The following UTS2 variants were observed in gnomAD, a reference collection of about 807,000 sequenced individuals.
UTS2 encodes urotensin 2.
In UTS2, 10 loss-of-function variants were observed where a neutral mutation model predicts 12.6. The observed-to-expected ratio is 0.80, with a 90% confidence interval of 0.49 to 1.35. The LOEUF is 1.35. Among genes scored for constraint, UTS2 ranks in the 40% most tolerant of loss-of-function variants. UTS2 has a pLI of 0.00. For missense variants in UTS2, 142 were observed against 143.2 expected (o/e 0.99, Z 0.04); for synonymous variants, 52 against 50.0 (o/e 1.04, Z -0.17).
At chr1:7,850,950 T>C (rs1558505199) in intron 1 of UTS2, 28 bp from the exon 2 acceptor site, 6 of 1,609,528 alleles carry the variant, frequency 3.7e-6, no homozygotes, top group East Asian at 2.2e-5. Context: ...ATACTTAGAA[T>C]TGGGTTCATC....
intron 1 of UTS2, among the ~76,000 whole-genome samples, chr1:7,852,017 A>G (rs189736636): frequency 1.3e-5 from 2 of 152,262 alleles, no homozygotes; most frequent in East Asian, 1.9e-4. Flanking sequence ...AGGACAGCCA[A>G]TGATCATCTC....
At chr1:7,869,543 T>C in the UTS2 span, among the ~76,000 whole-genome samples, 17 of 152,218 alleles carry the variant, frequency 1.1e-4, no homozygotes, top group African/African-American at 2.4e-4. Flanking sequence ...TAGGGGACCT[T>C]GTGGGCAGCC....
rs1379750161 is a variant in UTS2 at position 7,849,180 on chromosome 1, G to T, written c.258+460C>A. 4.6e-5 allele frequency among the ~76,000 whole-genome samples: 7 copies of T among 152,062 alleles called. No homozygotes were observed. In the East Asian group the frequency reaches 1.4e-3, roughly 29 times the overall value. ...CAGATCTTATATCAATCAAAATTTG[G>T]AAAAATTAATGCTTTGAAATAATGC... is the stretch of plus-strand genomic sequence containing the variant. On this transcript the variant is annotated intron_variant, in intron 3 of 3. Transcript: ENST00000361696.
At chr1:7,857,143 GGT>G (rs70987383), upstream of UTS2, among the ~76,000 whole-genome samples, 6 of 151,462 alleles carry the variant, frequency 4.0e-5, no homozygotes, top group South Asian at 4.2e-4. Flanking sequence ...AAGGAAGGAA[GGT>G]GAAGCATGTT....
the UTS2 span, among the ~76,000 whole-genome samples, chr1:7,875,855 C>T: frequency 1.3e-5 from 2 of 152,138 alleles, no homozygotes; most frequent in East Asian, 1.9e-4. Context: ...GCCTCTGGCA[C>T]CCATGCAAAC....
chr1:7,890,621 C>T, the UTS2 span, among the ~76,000 whole-genome samples: 2 of 151,100 alleles, frequency 1.3e-5, no homozygotes, highest in Non-Finnish European at 2.9e-5. Flanking sequence ...TAGAAAGATG[C>T]TCACAACCTA....
chr1:7,882,804 T>C, the UTS2 span, among the ~76,000 whole-genome samples: 1 of 152,072 alleles, frequency 6.6e-6, no homozygotes, highest in Non-Finnish European at 1.5e-5. Flanking sequence ...GGCCAAGAGA[T>C]ATATGAAAAA....
At chr1:7,904,623 G>A in the UTS2 span, among the ~76,000 whole-genome samples, 1 of 152,060 alleles carries the variant, frequency 6.6e-6, no homozygotes, top group Admixed American at 6.6e-5. Flanking sequence ...ATGGAAAAGG[G>A]GCTGGGAGCA....
chr1:7,904,768 G>A, the UTS2 span, among the ~76,000 whole-genome samples: 1 of 151,806 alleles, frequency 6.6e-6, no homozygotes, highest in Non-Finnish European at 1.5e-5. Context: ...AGCCGGGCGT[G>A]GTGGTGGCGC....
chr1:7,891,216 G>C, the UTS2 span, among the ~76,000 whole-genome samples: 1 of 152,176 alleles, frequency 6.6e-6, no homozygotes, highest in Non-Finnish European at 1.5e-5. Context: ...ATCGGTTAGA[G>C]AGGAGGAACA....
At chr1:7,849,547 A>G in intron 3 of UTS2, 93 bp downstream of exon 3, 1 of 1,169,546 alleles carries the variant, frequency 8.6e-7, no homozygotes, top group Non-Finnish European at 1.2e-6. Context: ...GTTTCCACCA[A>G]GAACACTCCT....
rs200186184 is a variant in UTS2, at chr1:7,851,323, G to GA, written c.104-402dup. Among the ~76,000 whole-genome samples, 764 of 76,780 alleles carry GA rather than the reference G, an allele frequency of 1.0e-2. 6 individuals are homozygous for GA. Among genetic ancestry groups the GA allele is most frequent in the African/African-American group, 0.033 (733 of 22,352 alleles). 50.4% of individuals were successfully genotyped at this position (76,780 alleles called of 152,430 possible). On this transcript the variant is annotated intron_variant, in intron 1 of 3. Transcript: ENST00000361696. The stretch of plus-strand genomic sequence containing the variant: ...GGGTGGTGACATTGGAGAGGAAAAA[G>GA]AAAGATCGTTTACAATCTTCCTATA...
chr1:7,853,504 A>G (rs1183067271), upstream of UTS2: 29 of 1,544,650 alleles, frequency 1.9e-5, no homozygotes, highest in Non-Finnish European at 2.4e-5. Context: ...AAGAATGACA[A>G]TCTGTGGATT....
At chr1:7,863,125 A>ATTTTTTTAT in the UTS2 span, among the ~76,000 whole-genome samples, 1 of 149,570 alleles carries the variant, frequency 6.7e-6, no homozygotes, top group Non-Finnish European at 1.5e-5. Flanking sequence ...ATTGTATTGT[A>ATTTTTTTAT]TTTGAGACGA....
At chr1:7,896,421 A>T in the UTS2 span, among the ~76,000 whole-genome samples, 1 of 152,174 alleles carries the variant, frequency 6.6e-6, no homozygotes, top group Non-Finnish European at 1.5e-5. Flanking sequence ...TAATCTTATA[A>T]TATTGAAGTA....
chr1:7,859,503 GGAGAGGGCCTCGAAGCTATCT>G, the UTS2 span, among the ~76,000 whole-genome samples: 1 of 152,198 alleles, frequency 6.6e-6, no homozygotes, highest in Non-Finnish European at 1.5e-5. Context: ...CAGGAAATGT[GGAGAGGGCCTCGAAGCTATCT>G]GAGAGGAAGA....
chr1:7,863,317 G>A, the UTS2 span, among the ~76,000 whole-genome samples: 2 of 151,596 alleles, frequency 1.3e-5, no homozygotes, highest in Admixed American at 6.6e-5. Flanking sequence ...CTCCATGTTG[G>A]TCAGGCTGGT....
chr1:7,874,783 G>A, the UTS2 span, among the ~76,000 whole-genome samples: 11 of 152,184 alleles, frequency 7.2e-5, no homozygotes, highest in African/African-American at 2.7e-4. Context: ...GGGACCTGGT[G>A]GGAGGTCATT....
the UTS2 span, among the ~76,000 whole-genome samples, chr1:7,891,297 G>A: frequency 5.3e-5 from 8 of 152,040 alleles, no homozygotes; most frequent in South Asian, 1.0e-3. Context: ...TTGCTGGGAG[G>A]GCCGGATCAC....
Sources: allele counts gnomAD v4.1 joint callset (sites outside exome capture counted in the v4.1 genomes callset), GRCh38; gene constraint gnomAD v4.1.1; transcripts MANE v1.5; gene names NCBI Gene and HGNC (gene_info 2026-07-23, HGNC 2026-07-21).